Variants in STK4 observed in about 807,000 individuals in gnomAD.
The protein encoded by STK4 is serine/threonine-protein kinase 4.
Under a neutral mutation model 64.9 loss-of-function variants are expected in STK4, and 30 were observed. That is an observed-to-expected ratio of 0.46 (90% CI 0.35 to 0.63). The LOEUF is 0.63. STK4 is among the 20% of genes least tolerant of loss of function. The probability of loss-of-function intolerance (pLI) is 0.01; values close to 1 mark genes in which losing one functional copy is unlikely to be tolerated. For synonymous variants in STK4, 177 were observed against 199.0 expected, an observed-to-expected ratio of 0.89 and a Z score of 0.93; for missense variants, 466 against 598.5, an observed-to-expected ratio of 0.78 and a Z score of 2.31.
chr20:45,021,959 GTCT>G (rs1600489456), intron 9 of STK4, among the ~76,000 whole-genome samples: 1 of 152,152 alleles, frequency 6.6e-6, no homozygotes, highest in African/African-American at 2.4e-5. Context: ...CTGGCCCTGT[GTCT>G]TCTTTTTGCA....
intron 9 of STK4, among the ~76,000 whole-genome samples, chr20:45,014,687 T>C (rs1185116198): frequency 6.6e-6 from 1 of 152,124 alleles, no homozygotes; most frequent in African/African-American, 2.4e-5. Flanking sequence ...TGCAGTAACA[T>C]GTACTCATCC....
At chr20:45,062,805 G>A (rs1346317221) in intron 10 of STK4, among the ~76,000 whole-genome samples, 1 of 149,072 alleles carries the variant, frequency 6.7e-6, no homozygotes, top group Non-Finnish European at 1.5e-5. Flanking sequence ...AGCCTCCCAA[G>A]TAGCTGGGAC....
At chr20:44,971,307 A>C (rs1221118432) in intron 1 of STK4, among the ~76,000 whole-genome samples, 1 of 152,216 alleles carries the variant, frequency 6.6e-6, no homozygotes, top group Non-Finnish European at 1.5e-5. Context: ...AGTCAAAGGT[A>C]TGTATCTACT....
chr20:45,028,714 A>C (rs2068395544), intron 10 of STK4, among the ~76,000 whole-genome samples: 1 of 152,160 alleles, frequency 6.6e-6, no homozygotes, highest in Admixed American at 6.5e-5. Flanking sequence ...TCTTTTGAGA[A>C]ATGTCTATTC....
rs186973052 is a variant in STK4, at chr20:44,994,617, A to G, written c.526-473A>G. 1.4e-3 allele frequency among the ~76,000 whole-genome samples: 219 copies of G among 151,842 alleles called. 1 individual carries two copies. Among genetic ancestry groups the G allele is most frequent in the African/African-American group, 5.0e-3 (209 of 41,398 alleles). On this transcript the variant is annotated intron_variant, in intron 5 of 10. Coordinates refer to ENST00000372806, the MANE Select transcript of STK4 (RefSeq NM_006282.5). ...TCTCCCCCATTACAGACATTTCTAC[A>G]GTCTTTGTGCATATCGTTTGAGATA...
chr20:45,048,913 T>TA, intron 10 of STK4, among the ~76,000 whole-genome samples: 1 of 152,250 alleles, frequency 6.6e-6, no homozygotes, highest in East Asian at 1.9e-4. Context: ...AAAACACTGA[T>TA]AGACCTTTTG....
chr20:45,074,307 A>G (rs1354783650), intron 10 of STK4, among the ~76,000 whole-genome samples: 1 of 152,250 alleles, frequency 6.6e-6, no homozygotes, highest in African/African-American at 2.4e-5. Context: ...GCCAGCCATT[A>G]TTATTAATTT....
At chr20:45,000,179 C>T (rs1415482689) in intron 7 of STK4, among the ~76,000 whole-genome samples, 2 of 152,206 alleles carry the variant, frequency 1.3e-5, no homozygotes, top group Non-Finnish European at 2.9e-5. Context: ...ATAGGCATTT[C>T]AGCCAGGCTG....
At chr20:44,981,012 A>C (rs1310677353) in intron 3 of STK4, among the ~76,000 whole-genome samples, 1 of 151,834 alleles carries the variant, frequency 6.6e-6, no homozygotes, top group East Asian at 1.9e-4. Flanking sequence ...TATTCTTCCA[A>C]ATCACTTTGG....
In STK4 at chr20:45,075,131, C is replaced by T. The variant is rs1980412211; in HGVS notation, c.1419C>T (p.Ile473=). Residue 473 remains isoleucine (I), a synonymous_variant, in exon 11 of 11, where the codon ATC becomes ATT. Coordinates refer to ENST00000372806, the MANE Select transcript of STK4 (RefSeq NM_006282.5). The part of the protein sequence containing the change: ...RQKYQSKRQP[I]LDAIEAKKRR... The stretch of plus-strand genomic sequence containing the variant: ...AGTACCAGTCCAAGCGGCAGCCCAT[C>T]CTGGATGCCATAGAGGCTAAGAAGA... 6 of 1,614,162 alleles carry T rather than the reference C, an allele frequency of 3.7e-6. No individual in the cohort carries two copies. Among genetic ancestry groups the T allele is most frequent in the Non-Finnish European group, 5.1e-6 (6 of 1,180,032 alleles).
chr20:44,998,447 G>A (rs546845023), intron 7 of STK4, among the ~76,000 whole-genome samples: 5 of 152,258 alleles, frequency 3.3e-5, no homozygotes, highest in South Asian at 2.1e-4. Context: ...TGGTATGAAC[G>A]TGATAAATAT....
intron 10 of STK4, among the ~76,000 whole-genome samples, chr20:45,040,520 G>A (rs1439070718): frequency 2.0e-5 from 3 of 151,900 alleles, no homozygotes; most frequent in Non-Finnish European, 2.9e-5. Flanking sequence ...ATTGAGGTAT[G>A]CTTTATATAC....
chr20:45,036,058 A>T (rs1267744832), intron 10 of STK4, among the ~76,000 whole-genome samples: 1 of 152,182 alleles, frequency 6.6e-6, no homozygotes, highest in Non-Finnish European at 1.5e-5. Context: ...TTAATAAACA[A>T]TGTATTGTAT....
At chr20:45,052,951 TA>T in intron 10 of STK4, 1 of 654,368 alleles carries the variant, frequency 1.5e-6, no homozygotes. Context: ...AAGACTATCC[TA>T]AATTGTTCTT....
At chr20:44,999,950 G>A (rs1454168865) in intron 7 of STK4, among the ~76,000 whole-genome samples, 2 of 152,160 alleles carry the variant, frequency 1.3e-5, no homozygotes, top group Non-Finnish European at 2.9e-5. Flanking sequence ...CTACTAAGGT[G>A]TATACACACC....
At chr20:45,014,543 AT>A (rs984166878) in intron 9 of STK4, among the ~76,000 whole-genome samples, 9 of 149,638 alleles carry the variant, frequency 6.0e-5, no homozygotes, top group African/African-American at 7.3e-5. Context: ...GCAAAAAAAT[AT>A]TTTTTTTTTA....
chr20:45,044,534 G>T (rs996143038), intron 10 of STK4, among the ~76,000 whole-genome samples: 1 of 152,062 alleles, frequency 6.6e-6, no homozygotes, highest in Admixed American at 6.6e-5. Context: ...TGTGCCTGTG[G>T]TCCCAGCTAC....
intron 10 of STK4, among the ~76,000 whole-genome samples, chr20:45,038,421 A>AT (rs1416252612): frequency 1.3e-5 from 2 of 152,050 alleles, no homozygotes; most frequent in Non-Finnish European, 2.9e-5. Flanking sequence ...ATTTATATAT[A>AT]TTTTTTAGCT....
chr20:44,969,391 A>G (rs112892655), intron 1 of STK4, among the ~76,000 whole-genome samples: 2,148 of 152,348 alleles, frequency 0.014, 25 homozygotes, highest in Non-Finnish European at 0.024. Context: ...ACTACTTCAT[A>G]GACACCATTA....
Sources: allele counts gnomAD v4.1 joint callset (sites outside exome capture counted in the v4.1 genomes callset), GRCh38; gene constraint gnomAD v4.1.1; transcripts MANE v1.5; gene names NCBI Gene and HGNC (gene_info 2026-07-23, HGNC 2026-07-21).